Variants in RHBDD1 observed in about 807,000 individuals in gnomAD.
RHBDD1 encodes the protein rhomboid-related protein 4.
RHBDD1 carries 38 observed loss-of-function variants against 36.3 expected under a neutral mutation model. The ratio of observed to expected loss-of-function variants is 1.05; its 90% CI spans 0.81 to 1.37. RHBDD1 has a LOEUF of 1.37. RHBDD1 is among the 40% of genes most tolerant of loss of function. The pLI is 0.00. For missense variants in RHBDD1, 393 were observed against 377.6 expected (o/e 1.04, Z -0.34); for synonymous variants, 151 against 136.5 (o/e 1.11, Z -0.74).
chr2:226,979,809 G>A (rs1203811250), intron 8 of RHBDD1, among the ~76,000 whole-genome samples: 1 of 152,172 alleles, frequency 6.6e-6, no homozygotes. Flanking sequence ...CATCCCTCAA[G>A]CCAGTCTAGT....
chr2:226,981,787 T>C (rs1955824281), intron 8 of RHBDD1, among the ~76,000 whole-genome samples: 1 of 152,154 alleles, frequency 6.6e-6, no homozygotes, highest in South Asian at 2.1e-4. Flanking sequence ...CCACCACAAT[T>C]CTAGGCTAAC....
At chr2:226,920,759 T>C (rs1252396959) in intron 8 of RHBDD1, among the ~76,000 whole-genome samples, 1 of 152,164 alleles carries the variant, frequency 6.6e-6, no homozygotes, top group African/African-American at 2.4e-5. Flanking sequence ...ATCTTTTTAA[T>C]ATGTTGAATT....
chr2:226,858,734 C>T (rs747093372), intron 3 of RHBDD1, among the ~76,000 whole-genome samples: 7 of 152,102 alleles, frequency 4.6e-5, no homozygotes, highest in Non-Finnish European at 8.8e-5. Context: ...TTTGTTCTAG[C>T]TGCTTAGTCT....
chr2:226,803,191 G>A, the RHBDD1 span, among the ~76,000 whole-genome samples: 7 of 152,228 alleles, frequency 4.6e-5, no homozygotes, highest in South Asian at 1.5e-3. Flanking sequence ...TGGCTCAATA[G>A]TAATAAGCAT....
rs557278792 is a variant in RHBDD1 at position 226,914,312 on chromosome 2, C to T, written c.817C>T (p.Gln273Ter). 6 of 1,613,680 alleles carry T rather than the reference C, an allele frequency of 3.7e-6. No homozygotes were observed. The African/African-American group carries it at 6.7e-5, about 18-fold the overall frequency. ...TYTAGLSEEEQLERALQASLW... is the reference protein window; with the variant it reads ...TYTAGLSEEE ...CACAGCAGGACTGAGTGAAGAAGAA[C>T]AGCTCGAGAGAGCATTACAAGCCAG... The change falls in exon 8 of 9, where the codon CAG (glutamine) becomes TAG (stop). Residue 273 changes from glutamine (Q) to a stop codon, truncating the protein, a stop_gained. Transcript: ENST00000392062. LOFTEE classifies it high-confidence loss of function.
At chr2:226,922,283 C>T (rs1457405719) in intron 8 of RHBDD1, among the ~76,000 whole-genome samples, 1 of 145,454 alleles carries the variant, frequency 6.9e-6, no homozygotes, top group African/African-American at 2.6e-5. Context: ...TCTCGGCTCA[C>T]TGTAAGTTCC....
chr2:226,909,387 G>A (rs768965542), intron 7 of RHBDD1, among the ~76,000 whole-genome samples: 3 of 152,146 alleles, frequency 2.0e-5, no homozygotes, highest in South Asian at 2.1e-4. Flanking sequence ...TGTTAAAAGC[G>A]TAAGACCTAT....
chr2:226,968,518 G>A (rs2149310916), intron 8 of RHBDD1, among the ~76,000 whole-genome samples: 1 of 152,274 alleles, frequency 6.6e-6, no homozygotes, highest in East Asian at 1.9e-4. Context: ...GCTGATTATG[G>A]ACTTTAATCA....
At chr2:226,951,268 G>A (rs1048320872) in intron 8 of RHBDD1, among the ~76,000 whole-genome samples, 1 of 151,964 alleles carries the variant, frequency 6.6e-6, no homozygotes, top group Non-Finnish European at 1.5e-5. Context: ...GTAGTACTGG[G>A]GTTTAGGGCT....
chr2:226,956,176 C>G (rs140278746), intron 8 of RHBDD1, among the ~76,000 whole-genome samples: 3,114 of 152,180 alleles, frequency 0.02, 40 homozygotes, highest in Middle Eastern at 0.038. Flanking sequence ...CTTGGTGTCC[C>G]CTCTGGGAGT....
In RHBDD1 at chr2:226,997,657, A is replaced by G. The variant is rs1223729634; in HGVS notation, c.*2135A>G. On this transcript the variant is annotated 3_prime_UTR_variant, in exon 9 of 9. Transcript: ENST00000392062. ...TTTTTTTATATCACTTGAGTCCACT[A>G]GTAGTACTTCCTTGCTCTGTTTGAC... 2 of 152,214 alleles carry G rather than the reference A, an allele frequency of 1.3e-5. No individual in the cohort carries two copies. The highest frequency in any genetic ancestry group is 4.8e-5 in the African/African-American group (2 of 41,454). The allele number at this position is 152,214 out of a possible 1,614,324, so 9.4% of individuals were successfully genotyped here. A position where few individuals can be genotyped will look rare whatever the true frequency, so the allele number is the denominator to read the frequency against.
chr2:226,891,674 G>A (rs1046910880), intron 5 of RHBDD1, among the ~76,000 whole-genome samples: 1 of 152,122 alleles, frequency 6.6e-6, no homozygotes, highest in Non-Finnish European at 1.5e-5. Flanking sequence ...CTGTCTCCCT[G>A]GCATTTGTAT....
At chr2:226,892,001 G>C (rs1946730378) in intron 5 of RHBDD1, among the ~76,000 whole-genome samples, 2 of 152,208 alleles carry the variant, frequency 1.3e-5, no homozygotes, top group Admixed American at 1.3e-4. Context: ...GCCTCCACTG[G>C]AGGTGGGGCT....
chr2:226,884,997 CACTG>C (rs1420412297), intron 5 of RHBDD1, among the ~76,000 whole-genome samples: 6 of 152,056 alleles, frequency 3.9e-5, no homozygotes, highest in African/African-American at 1.2e-4. Flanking sequence ...ACAAGAAAAA[CACTG>C]ACAGGCAGAT....
intron 5 of RHBDD1, chr2:226,895,784 G>T (rs1250042950): frequency 1.9e-5 from 19 of 985,256 alleles, no homozygotes; most frequent in Non-Finnish European, 2.3e-5. Context: ...GGAGGAAGGT[G>T]TTCTTAACAA....
chr2:226,988,421 C>A (rs1472071964), intron 8 of RHBDD1: 2 of 1,550,368 alleles, frequency 1.3e-6, no homozygotes, highest in Admixed American at 3.9e-5. Context: ...CCTGGGAAGC[C>A]TGAAGCAGGC....
intron 8 of RHBDD1, among the ~76,000 whole-genome samples, chr2:226,927,720 T>A (rs925110193): frequency 6.6e-6 from 1 of 152,132 alleles, no homozygotes; most frequent in African/African-American, 2.4e-5. Context: ...TGACTAATGA[T>A]GTTTCTGTTT....
intron 8 of RHBDD1, among the ~76,000 whole-genome samples, chr2:226,953,094 A>G (rs920632398): frequency 6.6e-6 from 1 of 152,158 alleles, no homozygotes; most frequent in African/African-American, 2.4e-5. Context: ...TTTTTTGTGT[A>G]TTCTTTAGGC....
At chr2:226,886,742 T>C (rs1038711674) in intron 5 of RHBDD1, among the ~76,000 whole-genome samples, 15 of 152,176 alleles carry the variant, frequency 9.9e-5, no homozygotes, top group African/African-American at 3.6e-4. Context: ...GGGGAATTTT[T>C]TTAAAAAAAG....
Sources: allele counts gnomAD v4.1 joint callset (sites outside exome capture counted in the v4.1 genomes callset), GRCh38; gene constraint gnomAD v4.1.1; transcripts MANE v1.5; gene names NCBI Gene and HGNC (gene_info 2026-07-23, HGNC 2026-07-21).